The following KIAA0586 variants were observed in gnomAD, a reference collection of about 807,000 sequenced individuals.
The protein encoded by KIAA0586 is protein TALPID3.
Under a neutral mutation model 169.8 loss-of-function variants are expected in KIAA0586, and 144 were observed. The ratio of observed to expected loss-of-function variants is 0.85; its 90% CI spans 0.74 to 0.97. The LOEUF (loss-of-function observed/expected upper bound fraction) is 0.97. KIAA0586 is among the 50% of genes least tolerant of loss of function. The pLI is 0.00. For synonymous variants in KIAA0586, 625 were observed against 612.4 expected (o/e 1.02, Z -0.30); for missense variants, 1,854 against 1,823.0 (o/e 1.02, Z -0.31).
chr14:58,557,899 A>ATTTTTTTTTTTTTTTTTTTT, the KIAA0586 span, among the ~76,000 whole-genome samples: 1 of 46,610 alleles, frequency 2.1e-5, no homozygotes, highest in Non-Finnish European at 4.2e-5. Flanking sequence ...ATCCTGAGAA[A>ATTTTTTTTTTTTTTTTTTTT]TCTTTTTTTT....
intron 29 of KIAA0586, among the ~76,000 whole-genome samples, chr14:58,531,046 C>T (rs960854036): frequency 6.6e-6 from 1 of 151,972 alleles, no homozygotes; most frequent in African/African-American, 2.4e-5. Flanking sequence ...TGCAGTGGCT[C>T]ACGCCTGTAA....
intron 29 of KIAA0586, among the ~76,000 whole-genome samples, chr14:58,539,040 G>A (rs942011855): frequency 2.6e-5 from 4 of 152,046 alleles, no homozygotes; most frequent in African/African-American, 4.8e-5. Context: ...TCAAACTCCC[G>A]AAGTGCTTGG....
intron 18 of KIAA0586, among the ~76,000 whole-genome samples, chr14:58,474,187 G>A (rs1020191924): frequency 5.9e-5 from 9 of 152,004 alleles, no homozygotes; most frequent in Middle Eastern, 3.2e-3. Flanking sequence ...CCCAAGCACC[G>A]CCCACCAGGC....
chr14:58,476,312 G>A (rs2041618616), intron 19 of KIAA0586, among the ~76,000 whole-genome samples: 2 of 151,982 alleles, frequency 1.3e-5, no homozygotes, highest in Admixed American at 1.3e-4. Context: ...AAATGTTCTA[G>A]AAGTCTCCTG....
chr14:58,498,238 G>C (rs1180887812), intron 26 of KIAA0586, among the ~76,000 whole-genome samples: 1 of 151,244 alleles, frequency 6.6e-6, no homozygotes, highest in Middle Eastern at 3.3e-3. Flanking sequence ...GTACAGTCGT[G>C]CAGTCTCGCT....
chr14:58,448,287 C>G, intron 6 of KIAA0586, 53 bp from the exon 7 acceptor site: 3 of 1,130,708 alleles, frequency 2.7e-6, no homozygotes, highest in East Asian at 2.5e-5. Context: ...ATTTTATCAT[C>G]TAACTCTTTC....
chr14:58,428,025 C>G lies in KIAA0586; in HGVS notation c.-240C>G, dbSNP rs1263756010. 3 of 1,428,668 alleles carry G rather than the reference C, an allele frequency of 2.1e-6. No homozygotes were observed. In the African/African-American group the frequency reaches 4.3e-5, roughly 21 times the overall value. 88.5% of individuals were successfully genotyped at this position (1,428,668 alleles called of 1,614,324 possible). A position where few individuals can be genotyped will look rare whatever the true frequency, so the allele number is the denominator to read the frequency against. On this transcript the variant is annotated 5_prime_UTR_variant, in exon 1 of 31. The change creates a new upstream start codon in the 5' untranslated region. Transcript: ENST00000652326. ...GCTCCTGTGGCCATTCTCTTGTCAT[C>G]CCCACTTTCACATTTTGGCGTGGTG...
intron 21 of KIAA0586, among the ~76,000 whole-genome samples, chr14:58,484,160 A>T (rs1368878452): frequency 2.6e-5 from 4 of 152,136 alleles, no homozygotes; most frequent in Admixed American, 2.6e-4. Flanking sequence ...CCACTACTTT[A>T]GTTTTATGTC....
chr14:58,450,014 A>G (rs923605881), intron 7 of KIAA0586, among the ~76,000 whole-genome samples: 2 of 152,206 alleles, frequency 1.3e-5, no homozygotes, highest in Non-Finnish European at 2.9e-5. Flanking sequence ...AAGATTTGCC[A>G]TATTTTATAT....
intron 29 of KIAA0586, among the ~76,000 whole-genome samples, chr14:58,528,827 T>C (rs569646094): frequency 7.2e-5 from 11 of 152,106 alleles, no homozygotes; most frequent in Admixed American, 2.0e-4. Flanking sequence ...ATTCAAAAGC[T>C]AGCGGAAGAC....
At chr14:58,467,598 G>A in intron 15 of KIAA0586, 137 bp from the exon 16 acceptor site, 1 of 636,092 alleles carries the variant, frequency 1.6e-6, no homozygotes, top group Non-Finnish European at 2.7e-6. Flanking sequence ...CGACAGTGCT[G>A]ATGATGGAGG....
chr14:58,448,415 A>G lies in KIAA0586; in HGVS notation c.883A>G (p.Lys295Glu). 1 of 1,611,226 alleles carries G rather than the reference A, an allele frequency of 6.2e-7. No individual in the cohort carries two copies. The highest frequency in any genetic ancestry group is 1.1e-5 in the South Asian group (1 of 90,992). The change falls in exon 7 of 31, where the codon AAG (lysine) becomes GAG (glutamate). Residue 295 changes from lysine (K) to glutamate (E), a missense_variant. Physicochemically the swap from Lys to Glu is moderately conservative, Grantham distance 56. Coordinates refer to ENST00000652326, the MANE Select transcript of KIAA0586 (RefSeq NM_001329943.3). ...VSMPSSRAVE[K>E]YSVKPEHPNL... The stretch of plus-strand genomic sequence containing the variant: ...TATGCCCTCCTCCAGAGCAGTGGAA[A>G]AGTATTCCGTAAAACCAGAACACCC...
intron 27 of KIAA0586, 112 bp downstream of exon 27, chr14:58,499,072 G>A: frequency 2.2e-6 from 2 of 907,050 alleles, no homozygotes. Context: ...TATTAAAAGG[G>A]ATTTTAATAA....
In KIAA0586 at chr14:58,460,980, A is replaced by G. The variant is rs2040274056; in HGVS notation, c.1885-6A>G. 1 of 1,577,238 alleles carries G rather than the reference A, an allele frequency of 6.3e-7. No individual in the cohort carries two copies. Among genetic ancestry groups the G allele is most frequent in the Non-Finnish European group, 8.6e-7 (1 of 1,166,164 alleles). ...CATGGTGAGTTGAATAACTTTGTAC[A>G]CACAGGGGCTTTTGAAAGCAACCAC... On this transcript the variant is annotated splice_region_variant and splice_polypyrimidine_tract_variant and intron_variant, in intron 13 of 30. Coordinates refer to ENST00000652326, the MANE Select transcript of KIAA0586 (RefSeq NM_001329943.3).
In KIAA0586 at chr14:58,548,954, C is replaced by G. The variant is rs1050155600; in HGVS notation, c.*1022C>G. The G allele has an allele frequency of 3.9e-5, 6 of 152,084 alleles. No individual in the cohort carries two copies. The highest frequency in any genetic ancestry group is 7.2e-5 in the African/African-American group (3 of 41,402). The allele number at this position is 152,084 out of a possible 1,614,324, so 9.4% of individuals were successfully genotyped here. On this transcript the variant is annotated 3_prime_UTR_variant, in exon 31 of 31. Coordinates refer to ENST00000652326, the MANE Select transcript of KIAA0586 (RefSeq NM_001329943.3). ...CTTATTTTTGCAGAATAATGGACAT[C>G]AGTGATTGTGTGTGGAGATGGGGGT...
chr14:58,542,050 AT>A (rs938718474), intron 30 of KIAA0586, among the ~76,000 whole-genome samples: 2 of 152,170 alleles, frequency 1.3e-5, no homozygotes, highest in African/African-American at 2.4e-5. Context: ...AAAAAAATTA[AT>A]TTTTTTATGA....
At chr14:58,458,660 TTTTAA>T (rs1313819798) in intron 12 of KIAA0586, 115 bp downstream of exon 12, 7 of 585,080 alleles carry the variant, frequency 1.2e-5, no homozygotes, top group Non-Finnish European at 2.0e-5. Context: ...ATCCACTTAT[TTTTAA>T]TTTAATTGTC....
intron 29 of KIAA0586, among the ~76,000 whole-genome samples, chr14:58,513,415 G>A (rs1314571814): frequency 1.3e-5 from 2 of 151,926 alleles, no homozygotes; most frequent in African/African-American, 4.8e-5. Flanking sequence ...TTGAATGCCG[G>A]TATAATTGCG....
At chr14:58,546,534 A>G (rs865945500) in intron 30 of KIAA0586, among the ~76,000 whole-genome samples, 28 of 152,316 alleles carry the variant, frequency 1.8e-4, no homozygotes, top group African/African-American at 6.7e-4. Context: ...TGTTTAAGGT[A>G]ATTTATTTTT....
Sources: allele counts gnomAD v4.1 joint callset (sites outside exome capture counted in the v4.1 genomes callset), GRCh38; gene constraint gnomAD v4.1.1; transcripts MANE v1.5; gene names NCBI Gene and HGNC (gene_info 2026-07-23, HGNC 2026-07-21).